The following CD300A variants were observed in gnomAD, a reference collection of about 807,000 sequenced individuals.
CD300A encodes the protein CD300a molecule, also known as CMRF35-like molecule 8.
A neutral mutation model predicts 33.6 loss-of-function variants in CD300A; 22 were observed. The ratio of observed to expected loss-of-function variants is 0.66; its 90% confidence interval spans 0.47 to 0.94. The LOEUF is 0.94. Among genes scored for constraint, CD300A ranks in the 40% least tolerant of loss-of-function variants. The pLI is 0.00. For synonymous variants in CD300A, 136 were observed against 148.1 expected (o/e 0.92, Z 0.59); for missense variants, 326 against 360.5 (o/e 0.90, Z 0.77).
Position 74,484,077 on chromosome 17 carries a change from C to T in CD300A, c.851C>T (p.Pro284Leu), listed in dbSNP as rs757471012. 2 of 1,613,962 alleles carry T rather than the reference C, an allele frequency of 1.2e-6. No homozygotes were observed. Among genetic ancestry groups the T allele is most frequent in the African/African-American group, 2.7e-5 (2 of 74,896 alleles). The change falls in exon 7 of 7, where the codon CCT becomes CTT. Residue 284 changes from proline to leucine, a missense_variant. Coordinates refer to ENST00000360141, the MANE Select transcript of CD300A (RefSeq NM_007261.4). ...ACCAACAGGATAGCTGCTCAGAGGCCTCGGGAGGAGGAACCAGATTCAGAT... is the reference window on the plus strand; with the variant it reads ...ACCAACAGGATAGCTGCTCAGAGGCTTCGGGAGGAGGAACCAGATTCAGAT... Reference protein sequence around the residue: ...SNTNRIAAQRPREEEPDSDYS... With the variant: ...SNTNRIAAQRLREEEPDSDYS...
rs777220401 is a variant in CD300A at position 74,473,843 on chromosome 17, C to T, written c.348C>T (p.Pro116=). 17 of 1,612,836 alleles carry T rather than the reference C, an allele frequency of 1.1e-5. No homozygotes were observed. In the East Asian group the frequency reaches 2.9e-4, roughly 28 times the overall value. ...DTPWLRDFHD[P]VVEVEVSVFP... ...CATGGCTCCGAGACTTTCATGATCC[C>T]GTTGTCGAGGTTGAGGTGTCCGTGT... is the stretch of plus-strand genomic sequence containing the variant. The change falls in exon 2 of 7, where the codon CCC becomes CCT. Residue 116 remains proline (P), a synonymous_variant. Transcript: ENST00000360141.
intron 6 of CD300A, among the ~76,000 whole-genome samples, chr17:74,482,697 CCTTTCTTTCTTTCTTTCTTT>C (rs146984765): frequency 0.024 from 3,172 of 130,190 alleles, 340 homozygotes; most frequent in Admixed American, 0.17. Flanking sequence ...TTCCTTCCTT[CCTTTCTTTCTTTCTTTCTTT>C]CTTTCTTTCT....
In CD300A at chr17:74,483,944, G is replaced by A. The variant is rs565504625; in HGVS notation, c.775-57G>A. 6 of 1,596,496 alleles carry A rather than the reference G, an allele frequency of 3.8e-6. No homozygotes were observed. In the African/African-American group the frequency reaches 6.7e-5, roughly 18 times the overall value. ...TCCTCCCTCCTCCATCCTATGTTGG[G>A]GGTCCTTTCTTCCCTTGCCTCTCCC... On this transcript the variant is annotated intron_variant, in intron 6 of 6. Coordinates refer to ENST00000360141, the MANE Select transcript of CD300A (RefSeq NM_007261.4).
At chr17:74,481,153 C>T (rs879258062) in intron 4 of CD300A, 136 bp from the exon 5 acceptor site, 2 of 689,146 alleles carry the variant, frequency 2.9e-6, no homozygotes, top group East Asian at 5.2e-5. Flanking sequence ...GAGTTCCTAC[C>T]ATGCTTCAGG....
chr17:74,473,275 G>A (rs953304174), intron 1 of CD300A, among the ~76,000 whole-genome samples: 9 of 152,152 alleles, frequency 5.9e-5, no homozygotes, highest in African/African-American at 2.2e-4. Context: ...GGGTGCTGAT[G>A]TGGAGTCGGG....
chr17:74,470,324 C>A, intron 1 of CD300A: 1 of 800,404 alleles, frequency 1.2e-6, no homozygotes, highest in Non-Finnish European at 1.5e-6. Context: ...TGGAACAGAG[C>A]TTTGGGGAGA....
At chr17:74,478,705 G>A (rs982525628) in intron 4 of CD300A, among the ~76,000 whole-genome samples, 1 of 152,198 alleles carries the variant, frequency 6.6e-6, no homozygotes. Flanking sequence ...CAAGACTGCA[G>A]TGAGACTGGG....
chr17:74,466,569 C>A, upstream of CD300A: 1 of 1,043,416 alleles, frequency 9.6e-7, no homozygotes, highest in Non-Finnish European at 1.4e-6. Flanking sequence ...AGGAATAGAA[C>A]CAAAAGAAGC....
chr17:74,468,690 C>CT (rs1905892057), intron 1 of CD300A, among the ~76,000 whole-genome samples: 1 of 152,040 alleles, frequency 6.6e-6, no homozygotes, highest in Non-Finnish European at 1.5e-5. Flanking sequence ...GAATCTCACT[C>CT]TATCACCCAG....
rs531765187 is a variant in CD300A, at chr17:74,466,971, C to T, written c.40+228C>T. On this transcript the variant is annotated intron_variant, in intron 1 of 6. Transcript: ENST00000360141. ...CTGCACCCACGTACCTTGGCTGAAC[C>T]ACAGCGGGGCAAGTGATAAGGGGTG... is the stretch of plus-strand genomic sequence containing the variant. The T allele has an allele frequency of 5.0e-6, 7 of 1,408,464 alleles. No homozygotes were observed. The East Asian group carries it at 1.0e-4, about 21-fold the overall frequency. The allele number at this position is 1,408,464 out of a possible 1,614,324, so 87.2% of individuals were successfully genotyped here.
intron 1 of CD300A, among the ~76,000 whole-genome samples, chr17:74,467,957 T>C (rs1905832773): frequency 6.6e-6 from 1 of 152,216 alleles, no homozygotes; most frequent in Non-Finnish European, 1.5e-5. Flanking sequence ...CCAGAGCTTC[T>C]CATTATTAGG....
At chr17:74,468,421 C>T (rs1337338717) in intron 1 of CD300A, among the ~76,000 whole-genome samples, 13 of 152,146 alleles carry the variant, frequency 8.5e-5, no homozygotes, top group African/African-American at 2.7e-4. Flanking sequence ...TAGCCTCCAC[C>T]TCCCGGGCTC....
intron 1 of CD300A, 199 bp downstream of exon 1, chr17:74,466,942 G>C: frequency 7.0e-7 from 1 of 1,435,230 alleles, no homozygotes; most frequent in Non-Finnish European, 9.1e-7. Context: ...GGCCTCTCCC[G>C]GCTCTGCACC....
chr17:74,484,342 C>A lies in CD300A; in HGVS notation c.*216C>A. On this transcript the variant is annotated 3_prime_UTR_variant, in exon 7 of 7. Transcript: ENST00000360141. ...GGGGGCTCCGGAGAGCAGCAGGAAGCACTCCCAGCCACCAGTGCCTGTCAC... is the reference window on the plus strand; with the variant it reads ...GGGGGCTCCGGAGAGCAGCAGGAAGAACTCCCAGCCACCAGTGCCTGTCAC... 2 of 453,636 alleles carry A rather than the reference C, an allele frequency of 4.4e-6. No homozygotes were observed. The highest frequency in any genetic ancestry group is 8.1e-6 in the Non-Finnish European group (2 of 248,190). 28.1% of individuals were successfully genotyped at this position (453,636 alleles called of 1,614,324 possible). A position where few individuals can be genotyped will look rare whatever the true frequency, so the allele number is the denominator to read the frequency against.
In CD300A at chr17:74,480,057, C is replaced by T. The variant is rs1335729545; in HGVS notation, c.629-1232C>T. 6.6e-6 allele frequency among the ~76,000 whole-genome samples: 1 copy of T among 152,140 alleles called. No individual in the cohort carries two copies. Among genetic ancestry groups the T allele is most frequent in the East Asian group, 1.9e-4 (1 of 5,184 alleles). ...CGGGCGTTGAACTCCTGTCTCTTCC[C>T]CACCAGCTCTTTTTCTCCTTCCCAT... On this transcript the variant is annotated intron_variant, in intron 4 of 6. Coordinates refer to ENST00000360141, the MANE Select transcript of CD300A (RefSeq NM_007261.4). This position sits in a 1 kb window ranked among gnomAD's most constrained non-coding sequence, Gnocchi z 4.2.
At chr17:74,479,317 G>T (rs1906684546) in intron 4 of CD300A, among the ~76,000 whole-genome samples, 1 of 151,916 alleles carries the variant, frequency 6.6e-6, no homozygotes, top group Admixed American at 6.6e-5. Flanking sequence ...GCTCACTCCA[G>T]CCTCGACCCC....
In CD300A at chr17:74,477,442, G is replaced by A. The variant is rs149741904; in HGVS notation, c.540G>A (p.Pro180=). ...ETEEVVNSQL[P]LLLSLLALLL... ...CATCCTGTGCCTCCTCCAGGCTCCC[G>A]CTGCTCCTCTCCCTGCTGGCATTGT... Residue 180 remains proline, a synonymous_variant, in exon 4 of 7, where the codon CCG becomes CCA. Coordinates refer to ENST00000360141, the MANE Select transcript of CD300A (RefSeq NM_007261.4). 4.2e-5 allele frequency: 67 copies of A among 1,613,296 alleles called. No individual in the cohort carries two copies. Among genetic ancestry groups the A allele is most frequent in the South Asian group, 2.1e-4 (19 of 91,066 alleles).
intron 2 of CD300A, 92 bp from the exon 3 acceptor site, chr17:74,474,440 C>A: frequency 2.3e-6 from 3 of 1,291,566 alleles, no homozygotes; most frequent in East Asian, 2.3e-5. Context: ...CCTTAGTGGG[C>A]AGTTTGTGTG....
In CD300A at chr17:74,484,224, G is replaced by T. The variant is rs549019632; in HGVS notation, c.*98G>T. 5 of 1,315,574 alleles carry T rather than the reference G, an allele frequency of 3.8e-6. No individual in the cohort carries two copies. The highest frequency in any genetic ancestry group is 5.3e-6 in the Non-Finnish European group (5 of 947,636). The allele number at this position is 1,315,574 out of a possible 1,614,324, so 81.5% of individuals were successfully genotyped here. Reference sequence around the variant, plus strand: ...CCCACGTCCTTCTCAGCCTGCCCTCGACAACAGTGACCAACAGACAGGCAG... The same window carrying T: ...CCCACGTCCTTCTCAGCCTGCCCTCTACAACAGTGACCAACAGACAGGCAG... On this transcript the variant is annotated 3_prime_UTR_variant, in exon 7 of 7. Coordinates refer to ENST00000360141, the MANE Select transcript of CD300A (RefSeq NM_007261.4).
Sources: gnomAD v4.1 joint callset for allele counts (sites outside exome capture counted in the v4.1 genomes callset) on GRCh38, gnomAD v4.1.1 for gene constraint, Gnocchi (gnomAD v3.1) non-coding constraint, MANE v1.5 for transcripts, NCBI Gene and HGNC (gene_info 2026-07-23, HGNC 2026-07-21) for gene names.